The following CAMTA1 variants were observed in gnomAD, a reference collection of about 807,000 sequenced individuals.
CAMTA1 encodes calmodulin binding transcription activator 1, also known as calmodulin-binding transcription activator 1.
A neutral mutation model predicts 170.9 loss-of-function variants in CAMTA1; 27 were observed. The ratio of observed to expected loss-of-function variants is 0.16; its 90% confidence interval spans 0.12 to 0.22. The LOEUF (loss-of-function observed/expected upper bound fraction) is 0.22. Ranked by LOEUF, CAMTA1 falls within the 10% of genes least tolerant of loss-of-function variation. The pLI is 1.00. For missense variants in CAMTA1, 1,619 were observed against 2,217.2 expected (o/e 0.73, Z 5.42); for synonymous variants, 833 against 891.5 (o/e 0.93, Z 1.17).
At chr1:7,704,103 C>G (rs1182258810) in intron 11 of CAMTA1, among the ~76,000 whole-genome samples, 1 of 151,734 alleles carries the variant, frequency 6.6e-6, no homozygotes, top group East Asian at 1.9e-4. Flanking sequence ...AGCCTGGCCC[C>G]CACGCCTCCC....
rs1411772863 is a variant in CAMTA1 at position 7,146,083 on chromosome 1, G to A, written c.302+54712G>A. Among the ~76,000 whole-genome samples the A allele has an allele frequency of 6.6e-6, 1 of 152,162 alleles. No individual in the cohort carries two copies. The highest frequency in any genetic ancestry group is 6.5e-5 in the Admixed American group (1 of 15,278). ...GGCACTATGCCCAGTGCTTTAATTG[G>A]ATCTTTTTTTTAAAATGGGATGATT... On this transcript the variant is annotated intron_variant, in intron 4 of 22. Coordinates refer to ENST00000303635, the MANE Select transcript of CAMTA1 (RefSeq NM_015215.4). This position sits in a 1 kb window ranked among gnomAD's most constrained non-coding sequence, Gnocchi z 4.3.
intron 3 of CAMTA1, among the ~76,000 whole-genome samples, chr1:7,038,038 T>G (rs1329464565): frequency 3.9e-5 from 6 of 152,170 alleles, no homozygotes; most frequent in African/African-American, 1.4e-4. Flanking sequence ...GGCCTCAGTT[T>G]CCTCAACTAT....
Position 7,333,580 on chromosome 1 carries a change from G to A in CAMTA1, c.438+83954G>A, listed in dbSNP as rs2083167015. On this transcript the variant is annotated intron_variant, in intron 5 of 22. Coordinates refer to ENST00000303635, the MANE Select transcript of CAMTA1 (RefSeq NM_015215.4). This position sits in a 1 kb window ranked among gnomAD's most constrained non-coding sequence, Gnocchi z 4.4. ...TGGATCTTCATATTGGATCCAGGAA[G>A]ACAACTTTGTGAAAGGAAAAGGCTG... 6.6e-6 allele frequency among the ~76,000 whole-genome samples: 1 copy of A among 152,232 alleles called. No homozygotes were observed. Among genetic ancestry groups the A allele is most frequent in the Non-Finnish European group, 1.5e-5 (1 of 68,030 alleles).
chr1:7,454,368 G>A (rs1284216608), intron 5 of CAMTA1, among the ~76,000 whole-genome samples: 1 of 152,234 alleles, frequency 6.6e-6, no homozygotes, highest in Non-Finnish European at 1.5e-5. Flanking sequence ...TGTGTTTATC[G>A]AAGACCTTTT....
intron 5 of CAMTA1, among the ~76,000 whole-genome samples, chr1:7,335,124 T>TTGTGTGTGTGTGAGTGTGTGTG (rs2083273754): frequency 5.2e-5 from 1 of 19,178 alleles, no homozygotes; most frequent in Non-Finnish European, 9.9e-5. Context: ...AGCACAGCTT[T>TTGTGTGTGTGTGAGTGTGTGTG]TGTGTGTGTG....
chr1:7,713,478 AAC>A (rs1385776162), intron 11 of CAMTA1, among the ~76,000 whole-genome samples: 2 of 152,164 alleles, frequency 1.3e-5, no homozygotes, highest in East Asian at 1.9e-4. Flanking sequence ...AAGTTTAAGA[AAC>A]ACACCTACTA....
rs1187413446 is a variant in CAMTA1, at chr1:7,482,628, A to G, written c.510+14727A>G. On this transcript the variant is annotated intron_variant, in intron 6 of 22. Coordinates refer to ENST00000303635, the MANE Select transcript of CAMTA1 (RefSeq NM_015215.4). The surrounding 1 kb of genome is among the most constrained non-coding windows in gnomAD (Gnocchi z 4.2). The stretch of plus-strand genomic sequence containing the variant: ...AAGGGTGACCCTGGTGACACCAGGC[A>G]TGAGAATTCTCTGTGAGCTTAGCTT... Among the ~76,000 whole-genome samples the G allele has an allele frequency of 6.6e-6, 1 of 152,202 alleles. No homozygotes were observed. The highest frequency in any genetic ancestry group is 1.9e-4 in the East Asian group (1 of 5,180).
At chr1:7,537,483 C>T (rs1180234879) in intron 6 of CAMTA1, among the ~76,000 whole-genome samples, 2 of 152,218 alleles carry the variant, frequency 1.3e-5, no homozygotes, top group Non-Finnish European at 1.5e-5. Context: ...CAACCCTTCT[C>T]CAAAAGGCGT....
At chr1:7,401,551 C>T (rs938342401) in intron 5 of CAMTA1, among the ~76,000 whole-genome samples, 11 of 152,040 alleles carry the variant, frequency 7.2e-5, no homozygotes, top group Non-Finnish European at 1.2e-4. Flanking sequence ...GGAATTTAAT[C>T]GGAACTGCAT....
intron 4 of CAMTA1, among the ~76,000 whole-genome samples, chr1:7,244,424 A>G (rs370994392): frequency 6.6e-6 from 1 of 152,244 alleles, no homozygotes. Flanking sequence ...TCATGCTGCT[A>G]TAAATACACA....
intron 3 of CAMTA1, among the ~76,000 whole-genome samples, chr1:6,941,381 G>A (rs760225285): frequency 7.2e-5 from 11 of 152,116 alleles, no homozygotes; most frequent in Non-Finnish European, 1.0e-4. Flanking sequence ...CAGCTTTTCC[G>A]AATCCGAGTC....
At chr1:7,087,758 T>G (rs1354080270) in intron 3 of CAMTA1, among the ~76,000 whole-genome samples, 1 of 152,222 alleles carries the variant, frequency 6.6e-6, no homozygotes, top group Non-Finnish European at 1.5e-5. Context: ...TGGTCCCACA[T>G]AAGTCCTAGG....
At chr1:7,746,164 C>G in intron 18 of CAMTA1, 73 bp downstream of exon 18, 1 of 1,506,574 alleles carries the variant, frequency 6.6e-7, no homozygotes, top group Non-Finnish European at 9.0e-7. Flanking sequence ...CAGAATCATG[C>G]GAACAAAAAC....
At chr1:6,836,646 G>A (rs576836206) in intron 3 of CAMTA1, among the ~76,000 whole-genome samples, 271 of 152,268 alleles carry the variant, frequency 1.8e-3, no homozygotes, top group Non-Finnish European at 3.0e-3. Flanking sequence ...TCCAGGTGGG[G>A]CGTCTGCGGT....
In CAMTA1 at chr1:7,664,494, G is replaced by C; in HGVS notation, c.1947G>C (p.Thr649=). The change falls in exon 9 of 23, where the codon ACG becomes ACC. Residue 649 remains threonine, a synonymous_variant. Coordinates refer to ENST00000303635, the MANE Select transcript of CAMTA1 (RefSeq NM_015215.4). ...GGTFVMPTVK[T]EASSQTSSCS... ...CCTTCGTGATGCCCACGGTGAAAAC[G>C]GAGGCCTCGTCCCAAACCAGCTCCT... 1.2e-6 allele frequency: 2 copies of C among 1,613,256 alleles called. No individual in the cohort carries two copies. Among genetic ancestry groups the C allele is most frequent in the African/African-American group, 2.7e-5 (2 of 75,046 alleles).
chr1:7,736,365 T>C lies in CAMTA1; in HGVS notation c.3088T>C (p.Leu1030=). The C allele has an allele frequency of 1.2e-6, 2 of 1,614,110 alleles. No homozygotes were observed. Among genetic ancestry groups the C allele is most frequent in the Non-Finnish European group, 1.7e-6 (2 of 1,180,002 alleles). The part of the protein sequence containing the change: ...QAQCASGTGA[L]GSCFESRVVV... The stretch of plus-strand genomic sequence containing the variant: ...ACAGTGTGCTTCTGGGACTGGGGCC[T>C]TGGGGAGCTGCTTTGAGAGCCGTGT... Residue 1030 remains leucine (L), a synonymous_variant, in exon 13 of 23, where the codon TTG becomes CTG. Transcript: ENST00000303635. The surrounding 1 kb of genome is among the most constrained non-coding windows in gnomAD (Gnocchi z 4.5).
At chr1:7,520,232 C>T (rs1282925614) in intron 6 of CAMTA1, among the ~76,000 whole-genome samples, 2 of 36,776 alleles carry the variant, frequency 5.4e-5, no homozygotes, top group African/African-American at 1.1e-4. Flanking sequence ...CCTCCTCCCT[C>T]CTCCTCTCCC....
rs1370166934 is a variant in CAMTA1, at chr1:7,182,408, AC to A, written c.303-67081del. Among the ~76,000 whole-genome samples, 7 of 151,246 alleles carry A rather than the reference AC, an allele frequency of 4.6e-5. No homozygotes were observed. The East Asian group carries it at 1.4e-3, about 30-fold the overall frequency. On this transcript the variant is annotated intron_variant, in intron 4 of 22. Transcript: ENST00000303635. ...ATACAAAAACTAAGGTGGGAGGATC[AC>A]CTGAGCCTGGGGAGGTCGAGGCTGC...
chr1:6,792,624 A>G (rs1471793192), intron 1 of CAMTA1, among the ~76,000 whole-genome samples: 2 of 152,148 alleles, frequency 1.3e-5, no homozygotes, highest in Non-Finnish European at 2.9e-5. Context: ...ACATGGCATA[A>G]GATGGAATGA....
Sources: gnomAD v4.1 joint callset for allele counts (sites outside exome capture counted in the v4.1 genomes callset) on GRCh38, gnomAD v4.1.1 for gene constraint, Gnocchi (gnomAD v3.1) non-coding constraint, MANE v1.5 for transcripts, NCBI Gene and HGNC (gene_info 2026-07-23, HGNC 2026-07-21) for gene names.